CYP2C19: variants seen among roughly 807,000 people sequenced by gnomAD.
CYP2C19 encodes the protein cytochrome P450 2C19.
A neutral mutation model predicts 40.9 loss-of-function variants in CYP2C19; 59 were observed. The observed-to-expected ratio is 1.44, with a 90% CI of 1.17 to 1.79. The LOEUF (loss-of-function observed/expected upper bound fraction) is 1.79, where lower values mean the gene tolerates loss of function less well. Among genes scored for constraint, CYP2C19 ranks in the 40% most tolerant of loss-of-function variants. The pLI, the probability that CYP2C19 is intolerant of heterozygous loss-of-function variation, is 0.00. For synonymous variants in CYP2C19, 253 were observed against 208.7 expected (o/e 1.21, Z -1.83); for missense variants, 754 against 596.9 (o/e 1.26, Z -2.74).
chr10:94,788,196 C>G (rs937927140), intron 5 of CYP2C19, among the ~76,000 whole-genome samples: 3 of 150,732 alleles, frequency 2.0e-5, no homozygotes, highest in African/African-American at 7.3e-5. Context: ...TTGATGTATA[C>G]AAATGGTACT....
intron 5 of CYP2C19, among the ~76,000 whole-genome samples, chr10:94,811,170 T>C (rs577465917): frequency 6.6e-6 from 1 of 152,340 alleles, no homozygotes; most frequent in East Asian, 1.9e-4. Flanking sequence ...GGTTGTTCAG[T>C]TTCCATGTAG....
At chr10:94,838,727 G>C (rs1184703734) in intron 6 of CYP2C19, among the ~76,000 whole-genome samples, 1 of 152,058 alleles carries the variant, frequency 6.6e-6, no homozygotes, top group East Asian at 1.9e-4. Flanking sequence ...GCTTCCTGTA[G>C]GGCATAAATC....
At chr10:94,769,664 T>G (rs1285815068) in intron 1 of CYP2C19, among the ~76,000 whole-genome samples, 3 of 152,100 alleles carry the variant, frequency 2.0e-5, no homozygotes. Flanking sequence ...AGGCTTGAGT[T>G]TTTAAACGTT....
intron 7 of CYP2C19, among the ~76,000 whole-genome samples, chr10:94,843,538 CT>C (rs1416754020): frequency 2.6e-5 from 4 of 152,090 alleles, no homozygotes; most frequent in African/African-American, 9.7e-5. Flanking sequence ...TTGTTATAAA[CT>C]TACAAAATGC....
intron 5 of CYP2C19, among the ~76,000 whole-genome samples, chr10:94,807,163 T>C (rs1848847219): frequency 6.6e-6 from 1 of 152,184 alleles, no homozygotes; most frequent in Non-Finnish European, 1.5e-5. Flanking sequence ...GCCAGGCTTA[T>C]TTCACTTAAC....
intron 6 of CYP2C19, among the ~76,000 whole-genome samples, chr10:94,830,086 C>G (rs1197577913): frequency 2.3e-4 from 35 of 152,284 alleles, no homozygotes; most frequent in African/African-American, 7.2e-4. Context: ...TTTAAGTCTG[C>G]AGAGGTTACT....
chr10:94,848,686 A>T (rs2134291375), intron 7 of CYP2C19, among the ~76,000 whole-genome samples: 1 of 152,246 alleles, frequency 6.6e-6, no homozygotes, highest in Non-Finnish European at 1.5e-5. Flanking sequence ...CATTTTCACA[A>T]TATTGATTCT....
At chr10:94,765,058 T>A (rs1254625489) in intron 1 of CYP2C19, among the ~76,000 whole-genome samples, 1 of 152,092 alleles carries the variant, frequency 6.6e-6, no homozygotes, top group African/African-American at 2.4e-5. Flanking sequence ...TTTTGGAGAG[T>A]CACTGTTGCC....
At chr10:94,817,430 G>C (rs1028773333) in intron 5 of CYP2C19, among the ~76,000 whole-genome samples, 2 of 141,050 alleles carry the variant, frequency 1.4e-5, no homozygotes, top group Admixed American at 7.1e-5. Flanking sequence ...GGGGTTGTTT[G>C]TTTTTTTCTT....
chr10:94,762,754 C>T lies in CYP2C19; in HGVS notation c.49C>T (p.Leu17Phe). Residue 17 changes from leucine (L) to phenylalanine (F), a missense_variant, in exon 1 of 9, where the codon CTT becomes TTT. Transcript: ENST00000371321. ...LVLCLSCLLL[L>F]SIWRQSSGRG... is the part of the protein sequence containing the mutation. The stretch of plus-strand genomic sequence containing the variant: ...GCTCTGTCTCTCATGTTTGCTTCTC[C>T]TTTCAATCTGGAGACAGAGCTCTGG... 1 of 1,613,986 alleles carries T rather than the reference C, an allele frequency of 6.2e-7. No individual in the cohort carries two copies. Among genetic ancestry groups the T allele is most frequent in the Non-Finnish European group, 8.5e-7 (1 of 1,179,958 alleles).
intron 6 of CYP2C19, among the ~76,000 whole-genome samples, chr10:94,831,774 C>T (rs1235155757): frequency 1.3e-5 from 2 of 152,062 alleles, no homozygotes; most frequent in Non-Finnish European, 1.5e-5. Context: ...TATAGAGTTA[C>T]TTAAGTTCCT....
At position 94,782,567 on chromosome 10, in the gene CYP2C19, C is replaced by T. The variant is rs566127102; in HGVS notation, c.819+570C>T. On this transcript the variant is annotated intron_variant, in intron 5 of 8. Coordinates refer to ENST00000371321, the MANE Select transcript of CYP2C19 (RefSeq NM_000769.4). Reference sequence around the variant, plus strand: ...GGCAGTGTGGCAATTCCTCAAGGATCTAGAACTAGAAATACCATTTGACCC... The same window carrying T: ...GGCAGTGTGGCAATTCCTCAAGGATTTAGAACTAGAAATACCATTTGACCC... Among the ~76,000 whole-genome samples, 5 of 152,242 alleles carry T rather than the reference C, an allele frequency of 3.3e-5. No individual in the cohort carries two copies. The South Asian group carries it at 8.3e-4, about 25-fold the overall frequency.
chr10:94,822,917 A>ATT (rs552158198), intron 6 of CYP2C19, among the ~76,000 whole-genome samples: 4 of 148,026 alleles, frequency 2.7e-5, no homozygotes, highest in African/African-American at 5.0e-5. Flanking sequence ...ACCATTTCTA[A>ATT]TTTTTTTTTT....
chr10:94,817,645 G>T (rs1849027908), intron 5 of CYP2C19, among the ~76,000 whole-genome samples: 1 of 147,122 alleles, frequency 6.8e-6, no homozygotes, highest in Non-Finnish European at 1.5e-5. Flanking sequence ...TGGACATGAA[G>T]TTCTTGCCCA....
At chr10:94,823,492 C>G (rs1180919979) in intron 6 of CYP2C19, among the ~76,000 whole-genome samples, 4 of 152,168 alleles carry the variant, frequency 2.6e-5, no homozygotes, top group African/African-American at 9.6e-5. Flanking sequence ...AGAAAGGGAA[C>G]TGATCTAGAG....
rs117442884 is a variant in CYP2C19, at chr10:94,765,423, T to C, written c.168+2550T>C. On this transcript the variant is annotated intron_variant, in intron 1 of 8. Coordinates refer to ENST00000371321, the MANE Select transcript of CYP2C19 (RefSeq NM_000769.4). ...ACCTTGGCTGGGTAGACACAACTGG[T>C]TGTGTATGTTAAAAAGGTGTGTGTT... is the stretch of plus-strand genomic sequence containing the variant. Among the ~76,000 whole-genome samples the C allele has an allele frequency of 6.8e-3, 1,032 of 152,166 alleles. 25 individuals carry two copies. The highest frequency in any genetic ancestry group is 0.043 in the Admixed American group (655 of 15,296).
intron 4 of CYP2C19, among the ~76,000 whole-genome samples, chr10:94,780,923 A>G (rs1007069356): frequency 6.6e-6 from 1 of 152,132 alleles, no homozygotes; most frequent in African/African-American, 2.4e-5. Context: ...CCCTGTTTCT[A>G]TAAAGTACTT....
At chr10:94,841,585 T>C (rs903159427) in intron 6 of CYP2C19, among the ~76,000 whole-genome samples, 4 of 152,212 alleles carry the variant, frequency 2.6e-5, no homozygotes, top group Non-Finnish European at 4.4e-5. Flanking sequence ...CATCATTAGA[T>C]TGTTTATTTG....
intron 5 of CYP2C19, among the ~76,000 whole-genome samples, chr10:94,816,373 C>T (rs922332397): frequency 2.7e-5 from 4 of 150,810 alleles, no homozygotes; most frequent in Non-Finnish European, 5.9e-5. Flanking sequence ...CCAACATAAA[C>T]ATTTTAGGAA....
Sources: gnomAD v4.1 joint callset for allele counts (sites outside exome capture counted in the v4.1 genomes callset) on GRCh38, gnomAD v4.1.1 for gene constraint, MANE v1.5 for transcripts, NCBI Gene and HGNC (gene_info 2026-07-23, HGNC 2026-07-21) for gene names.